RAD51B: variants seen among roughly 807,000 people sequenced by gnomAD.
RAD51B encodes RAD51 paralog B.
Under a neutral mutation model 42.2 loss-of-function variants are expected in RAD51B, and 38 were observed. The observed-to-expected ratio is 0.90, with a 90% confidence interval of 0.70 to 1.18. RAD51B has a LOEUF of 1.18. Ranked by LOEUF, RAD51B falls within the 50% of genes most tolerant of loss-of-function variation. The pLI is 0.00. For missense variants in RAD51B, 373 were observed against 400.7 expected (o/e 0.93, Z 0.59); for synonymous variants, 154 against 145.2 (o/e 1.06, Z -0.43).
intron 4 of RAD51B, among the ~76,000 whole-genome samples, chr14:67,851,950 G>C (rs1412866066): frequency 1.3e-5 from 2 of 152,106 alleles, no homozygotes; most frequent in Non-Finnish European, 2.9e-5. Flanking sequence ...CAAAGAGTCT[G>C]GCCACCTTTC....
chr14:67,931,596 G>A (rs1322136809), intron 7 of RAD51B, among the ~76,000 whole-genome samples: 5 of 149,650 alleles, frequency 3.3e-5, no homozygotes, highest in Non-Finnish European at 5.9e-5. Flanking sequence ...TCTGCCTCCC[G>A]GGTTCAAGCA....
intron 7 of RAD51B, among the ~76,000 whole-genome samples, chr14:68,235,830 G>C (rs1469955475): frequency 6.6e-6 from 1 of 151,888 alleles, no homozygotes; most frequent in East Asian, 1.9e-4. Context: ...GGTAGACTGG[G>C]TAAAGAAAAT....
At chr14:68,672,222 A>G (rs1253726050) in intron 11 of RAD51B, among the ~76,000 whole-genome samples, 1 of 152,132 alleles carries the variant, frequency 6.6e-6, no homozygotes, top group African/African-American at 2.4e-5. Context: ...TTTCCATGCA[A>G]TCTGGACAAA....
At chr14:68,626,951 G>A (rs1188647449) in intron 10 of RAD51B, among the ~76,000 whole-genome samples, 1 of 152,008 alleles carries the variant, frequency 6.6e-6, no homozygotes, top group Non-Finnish European at 1.5e-5. Flanking sequence ...ACTCTCAACT[G>A]GGAAAGGAAA....
intron 9 of RAD51B, among the ~76,000 whole-genome samples, chr14:68,437,472 T>C (rs993071929): frequency 1.2e-4 from 19 of 152,230 alleles, no homozygotes; most frequent in Admixed American, 7.9e-4. Context: ...CCTTTTTCAT[T>C]GTGTCTTTGC....
At chr14:67,901,274 A>G (rs1317149515) in intron 7 of RAD51B, among the ~76,000 whole-genome samples, 1 of 152,218 alleles carries the variant, frequency 6.6e-6, no homozygotes, top group African/African-American at 2.4e-5. Flanking sequence ...TGCGAATGTC[A>G]TGTTAATGGC....
At chr14:68,396,581 A>G (rs934666119) in intron 8 of RAD51B, among the ~76,000 whole-genome samples, 5 of 152,220 alleles carry the variant, frequency 3.3e-5, no homozygotes, top group Non-Finnish European at 5.9e-5. Flanking sequence ...TAGTCATAGA[A>G]GGAAAGCCAG....
At chr14:67,917,065 A>G (rs1017478426) in intron 7 of RAD51B, among the ~76,000 whole-genome samples, 1 of 152,226 alleles carries the variant, frequency 6.6e-6, no homozygotes, top group African/African-American at 2.4e-5. Context: ...ACTTGAATGC[A>G]GTTTTAAAAG....
chr14:67,966,847 A>G (rs1799134128), intron 7 of RAD51B, among the ~76,000 whole-genome samples: 1 of 152,242 alleles, frequency 6.6e-6, no homozygotes, highest in African/African-American at 2.4e-5. Context: ...AGTTTTTTCA[A>G]CTTCTTACAT....
At chr14:68,312,467 C>T (rs991534858) in intron 8 of RAD51B, among the ~76,000 whole-genome samples, 3 of 152,220 alleles carry the variant, frequency 2.0e-5, no homozygotes, top group Non-Finnish European at 4.4e-5. Flanking sequence ...TGCAAATTCC[C>T]TCCAGTATTG....
chr14:68,312,113 G>GT lies in RAD51B; in HGVS notation c.853+20142dup, dbSNP rs1227176732. On this transcript the variant is annotated intron_variant, in intron 8 of 10. Coordinates refer to ENST00000471583, the MANE Select transcript of RAD51B (RefSeq NM_133510.4). ...GTAGCACAACGGGGAAGAAATGTGT[G>GT]TTTTTTTTTGTTTTGTTTTGTTTTT... Among the ~76,000 whole-genome samples, 69 of 151,310 alleles carry GT rather than the reference G, an allele frequency of 4.6e-4. 1 individual carries two copies. The highest frequency in any genetic ancestry group is 1.4e-3 in the East Asian group (7 of 5,160).
intron 10 of RAD51B, among the ~76,000 whole-genome samples, chr14:68,645,997 TC>T (rs1480806125): frequency 6.6e-6 from 1 of 152,086 alleles, no homozygotes; most frequent in African/African-American, 2.4e-5. Context: ...CTCAAAATAT[TC>T]CCCGGGACAA....
chr14:68,014,794 A>T (rs896203881), intron 7 of RAD51B, among the ~76,000 whole-genome samples: 6 of 151,762 alleles, frequency 4.0e-5, no homozygotes, highest in Non-Finnish European at 8.8e-5. Context: ...TGGAATACGT[A>T]ATTTAGGAGC....
Position 68,518,556 on chromosome 14 carries a change from C to CG in RAD51B, c.1036+50306_1036+50307insG, listed in dbSNP as rs1491116752. Reference sequence around the variant, plus strand: ...GATGGTGACCCCAGGTCATATGAGCCCCCCCCCCAGGCCTCCCCCATCCAC... The same window carrying CG: ...GATGGTGACCCCAGGTCATATGAGCCGCCCCCCCCAGGCCTCCCCCATCCAC... On this transcript the variant is annotated intron_variant, in intron 10 of 10. Transcript: ENST00000487270. 2.7e-3 allele frequency among the ~76,000 whole-genome samples: 258 copies of CG among 96,956 alleles called. 1 individual carries two copies. The highest frequency in any genetic ancestry group is 5.1e-3 in the Middle Eastern group (1 of 196). The allele number at this position is 96,956 out of a possible 152,430, so 63.6% of individuals were successfully genotyped here. A position where few individuals can be genotyped will look rare whatever the true frequency, so the allele number is the denominator to read the frequency against.
intron 7 of RAD51B, among the ~76,000 whole-genome samples, chr14:67,939,522 A>T (rs2045083291): frequency 6.6e-6 from 1 of 152,204 alleles, no homozygotes; most frequent in African/African-American, 2.4e-5. Context: ...AATAGTGATG[A>T]TCATTGCAGG....
At chr14:68,245,624 A>G (rs7160333) in intron 7 of RAD51B, among the ~76,000 whole-genome samples, 4,491 of 152,302 alleles carry the variant, frequency 0.029, 228 homozygotes, top group African/African-American at 0.1. Flanking sequence ...AGGTGGGCAT[A>G]TCTCCAAGGC....
At chr14:68,300,980 G>C (rs879270333) in intron 8 of RAD51B, among the ~76,000 whole-genome samples, 13 of 152,304 alleles carry the variant, frequency 8.5e-5, no homozygotes, top group Non-Finnish European at 1.8e-4. Flanking sequence ...CGGTATACAA[G>C]AGCAAAATTA....
At chr14:68,353,813 G>A (rs983165477) in intron 8 of RAD51B, among the ~76,000 whole-genome samples, 3 of 152,162 alleles carry the variant, frequency 2.0e-5, no homozygotes, top group African/African-American at 7.2e-5. Context: ...TGGGTGAAGG[G>A]CTCAGTAAGA....
intron 7 of RAD51B, among the ~76,000 whole-genome samples, chr14:68,158,826 T>A (rs1377570757): frequency 6.6e-6 from 1 of 152,206 alleles, no homozygotes; most frequent in African/African-American, 2.4e-5. Context: ...ATAATAATAC[T>A]TTCATTGGCC....
Sources: allele counts gnomAD v4.1 joint callset (sites outside exome capture counted in the v4.1 genomes callset), GRCh38; gene constraint gnomAD v4.1.1; transcripts MANE v1.5; gene names NCBI Gene and HGNC (gene_info 2026-07-23, HGNC 2026-07-21).